The following CDC42SE2 variants were observed in gnomAD, a reference collection of about 807,000 sequenced individuals.
The protein encoded by CDC42SE2 is CDC42 small effector protein 2.
Under a neutral mutation model 11.5 loss-of-function variants are expected in CDC42SE2, and 3 were observed. That is an observed-to-expected ratio of 0.26 (90% CI 0.12 to 0.67). The LOEUF (loss-of-function observed/expected upper bound fraction) is 0.67, where lower values mean the gene tolerates loss of function less well. CDC42SE2 is among the 30% of genes least tolerant of loss of function. CDC42SE2 has a pLI of 0.80. For synonymous variants in CDC42SE2, 33 were observed against 34.8 expected (o/e 0.95, Z 0.18); for missense variants, 82 against 106.8 (o/e 0.77, Z 1.02).
At chr5:131,224,584 ACCTCCTCCCTATCTCT>A in the CDC42SE2 span, among the ~76,000 whole-genome samples, 2 of 151,826 alleles carry the variant, frequency 1.3e-5, no homozygotes, top group African/African-American at 4.8e-5. Context: ...TAACCCAATA[ACCTCCTCCCTATCTCT>A]CTTCCTCTAA....
chr5:131,308,302 A>G (rs2149721650), intron 1 of CDC42SE2, among the ~76,000 whole-genome samples: 1 of 152,036 alleles, frequency 6.6e-6, no homozygotes, highest in Non-Finnish European at 1.5e-5. Context: ...CCATTGATCT[A>G]TATCTCTGTT....
At chr5:131,258,629 A>G (rs920701028) in intron 2 of CDC42SE2, among the ~76,000 whole-genome samples, 1 of 151,966 alleles carries the variant, frequency 6.6e-6, no homozygotes, top group Non-Finnish European at 1.5e-5. Flanking sequence ...TCCACTTCCC[A>G]TCCCCAGTGA....
At chr5:131,316,978 G>A (rs1758054807) in intron 2 of CDC42SE2, among the ~76,000 whole-genome samples, 1 of 152,148 alleles carries the variant, frequency 6.6e-6, no homozygotes, top group Admixed American at 6.6e-5. Context: ...ATGAAGTCAA[G>A]GGGTATGTTT....
chr5:131,361,106 A>C (rs1449039328), intron 3 of CDC42SE2, among the ~76,000 whole-genome samples: 2 of 122,576 alleles, frequency 1.6e-5, no homozygotes, highest in Admixed American at 8.2e-5. Context: ...AATTTATTTT[A>C]TTTTATTTAT....
chr5:131,366,670 G>C (rs887221276), intron 3 of CDC42SE2, among the ~76,000 whole-genome samples: 8 of 152,076 alleles, frequency 5.3e-5, no homozygotes, highest in African/African-American at 1.9e-4. Context: ...ATCAGCAAAA[G>C]TAATAATCTT....
At chr5:131,361,186 A>G (rs371564035) in intron 3 of CDC42SE2, among the ~76,000 whole-genome samples, 9 of 151,778 alleles carry the variant, frequency 5.9e-5, no homozygotes, top group East Asian at 1.9e-4. Context: ...GATATATAAT[A>G]AAGGGTATAT....
intron 1 of CDC42SE2, among the ~76,000 whole-genome samples, chr5:131,272,441 C>T (rs138643264): frequency 2.6e-5 from 4 of 152,130 alleles, no homozygotes; most frequent in African/African-American, 9.7e-5. Flanking sequence ...GACCTTGTTT[C>T]CTGTATGTTA....
chr5:131,314,273 C>T (rs1389701480), intron 1 of CDC42SE2, among the ~76,000 whole-genome samples: 3 of 150,096 alleles, frequency 2.0e-5, no homozygotes, highest in Non-Finnish European at 3.0e-5. Flanking sequence ...GCTCTGTTGC[C>T]GGGGTTGGAG....
chr5:131,292,111 T>C (rs1363464014), intron 1 of CDC42SE2, among the ~76,000 whole-genome samples: 1 of 151,492 alleles, frequency 6.6e-6, no homozygotes, highest in Non-Finnish European at 1.5e-5. Context: ...TGGTGGCGCA[T>C]GCCTGTTGTC....
intron 2 of CDC42SE2, among the ~76,000 whole-genome samples, chr5:131,337,938 C>T (rs1758615128): frequency 1.3e-5 from 2 of 152,252 alleles, no homozygotes; most frequent in Non-Finnish European, 2.9e-5. Flanking sequence ...ATGCCTCGCC[C>T]TGCTTCCGCT....
the CDC42SE2 span, among the ~76,000 whole-genome samples, chr5:131,212,851 T>C: frequency 6.6e-6 from 1 of 151,966 alleles, no homozygotes; most frequent in African/African-American, 2.4e-5. Flanking sequence ...AATTTATGCA[T>C]CAAAAATAAT....
chr5:131,272,529 G>C (rs766528820), intron 1 of CDC42SE2, among the ~76,000 whole-genome samples: 22 of 151,698 alleles, frequency 1.5e-4, no homozygotes, highest in Non-Finnish European at 2.8e-4. Flanking sequence ...CTACTATTCT[G>C]TCATCATGGT....
intron 2 of CDC42SE2, among the ~76,000 whole-genome samples, chr5:131,333,750 A>G (rs1758482747): frequency 6.6e-6 from 1 of 152,116 alleles, no homozygotes; most frequent in South Asian, 2.1e-4. Flanking sequence ...GTGTTCACTC[A>G]TGATTTGGCT....
chr5:131,232,589 C>A, the CDC42SE2 span, among the ~76,000 whole-genome samples: 1 of 151,742 alleles, frequency 6.6e-6, no homozygotes, highest in East Asian at 1.9e-4. Context: ...CAAACATTAG[C>A]CAGGTGTGTT....
At chr5:131,274,492 A>C (rs1188822746) in intron 1 of CDC42SE2, among the ~76,000 whole-genome samples, 1 of 152,208 alleles carries the variant, frequency 6.6e-6, no homozygotes, top group Admixed American at 6.5e-5. Context: ...CGTCTCTTGC[A>C]TGTATTATTT....
chr5:131,349,200 T>C (rs1223113349), intron 2 of CDC42SE2, among the ~76,000 whole-genome samples: 1 of 152,202 alleles, frequency 6.6e-6, no homozygotes. Flanking sequence ...TGTAGCGACA[T>C]GGATGAAGCT....
At chr5:131,351,487 C>T (rs1399663031) in intron 2 of CDC42SE2, among the ~76,000 whole-genome samples, 1 of 152,146 alleles carries the variant, frequency 6.6e-6, no homozygotes, top group Non-Finnish European at 1.5e-5. Context: ...ATCTCCTGAC[C>T]TTGTGATCCG....
At chr5:131,291,792 C>T (rs575659925) in intron 1 of CDC42SE2, among the ~76,000 whole-genome samples, 1 of 152,274 alleles carries the variant, frequency 6.6e-6, no homozygotes, top group Non-Finnish European at 1.5e-5. Flanking sequence ...ACCCGGGACT[C>T]ATCAGCCTTT....
chr5:131,374,116 TACAAAACAAA>T (rs536168099), intron 3 of CDC42SE2, among the ~76,000 whole-genome samples: 1 of 151,962 alleles, frequency 6.6e-6, no homozygotes, highest in Non-Finnish European at 1.5e-5. Context: ...TTCCCTGAAC[TACAAAACAAA>T]ACAAAACAAA....
Sources: gnomAD v4.1 joint callset for allele counts (sites outside exome capture counted in the v4.1 genomes callset) on GRCh38, gnomAD v4.1.1 for gene constraint, MANE v1.5 for transcripts, NCBI Gene and HGNC (gene_info 2026-07-23, HGNC 2026-07-21) for gene names.